The following CASK variants were observed in gnomAD, a reference collection of about 807,000 sequenced individuals.
The protein encoded by CASK is peripheral plasma membrane protein CASK.
A neutral mutation model predicts 82.9 loss-of-function variants in CASK; 4 were observed. That is an observed-to-expected ratio of 0.05 (90% CI 0.02 to 0.11). The LOEUF (loss-of-function observed/expected upper bound fraction) is 0.11, where lower values mean the gene tolerates loss of function less well. CASK is among the 10% of genes least tolerant of loss of function. The pLI, the probability that CASK is intolerant of heterozygous loss-of-function variation, is 1.00. For synonymous variants in CASK, 259 were observed against 253.5 expected, an observed-to-expected ratio of 1.02 and a Z score of -0.20; for missense variants, 358 against 720.9, an observed-to-expected ratio of 0.50 and a Z score of 5.76.
chrX:41,650,369 ATG>A (rs1475963387), intron 8 of CASK, among the ~76,000 whole-genome samples: 2 of 110,766 alleles, frequency 1.8e-5, no homozygotes, highest in African/African-American at 6.6e-5. Flanking sequence ...ACAATTTGGC[ATG>A]TTTTGCAGTG....
intron 5 of CASK, among the ~76,000 whole-genome samples, chrX:41,735,213 C>A (rs1202163650): frequency 2.7e-5 from 3 of 111,443 alleles, no homozygotes; most frequent in African/African-American, 9.8e-5. Context: ...CAATGCTCTT[C>A]TGTTTTCGTT....
At chrX:41,746,020 T>A (rs1013831065) in intron 3 of CASK, among the ~76,000 whole-genome samples, 3 of 111,891 alleles carry the variant, frequency 2.7e-5, no homozygotes, top group African/African-American at 6.5e-5. Context: ...AAATGGAAAA[T>A]TCAGGCTATA....
Position 41,578,376 on chromosome X carries a change from C to T in CASK, c.1467G>A (p.Arg489=). Residue 489 remains arginine, a synonymous_variant, in exon 15 of 27, where the codon CGG becomes CGA. Transcript: ENST00000378163. ...DMDMENVTRV[R]LVQFQKNTDE... ...CTGTGTTCTTTTGAAACTGTACCAG[C>T]CGAACTCTGGTCACATTCTCCATAT... The T allele has an allele frequency of 8.3e-7, 1 of 1,208,938 alleles. No homozygotes were observed. The highest frequency in any genetic ancestry group is 1.8e-5 in the South Asian group (1 of 56,867).
intron 3 of CASK, among the ~76,000 whole-genome samples, chrX:41,770,295 TCTAC>T (rs199881249): frequency 0.059 from 5,507 of 92,759 alleles, 159 homozygotes; most frequent in Non-Finnish European, 0.084. Context: ...TATCTATCTA[TCTAC>T]CTACCTACCT....
intron 13 of CASK, chrX:41,588,085 C>G (rs1251029006): frequency 8.9e-6 from 1 of 112,069 alleles, no homozygotes; most frequent in African/African-American, 3.2e-5. Context: ...CTGTGCTACT[C>G]AACTACTGCC....
chrX:41,897,501 T>G (rs1270837480), intron 1 of CASK, among the ~76,000 whole-genome samples: 2 of 111,589 alleles, frequency 1.8e-5, no homozygotes, highest in Non-Finnish European at 3.8e-5. Flanking sequence ...TGTCAGAAAT[T>G]TATTAAAAAG....
intron 17 of CASK, 77 bp downstream of exon 17, chrX:41,561,482 T>C (rs1209307153): frequency 1.5e-6 from 1 of 671,598 alleles, no homozygotes; most frequent in African/African-American, 2.2e-5. Context: ...AGAAGAATAC[T>C]CCTTATTTGT....
chrX:41,750,372 C>T (rs1225550201), intron 3 of CASK, among the ~76,000 whole-genome samples: 1 of 112,020 alleles, frequency 8.9e-6, no homozygotes, highest in African/African-American at 3.2e-5. Context: ...AATGATTCTA[C>T]AAACTGACAA....
chrX:41,822,515 G>A (rs111581104), intron 2 of CASK, among the ~76,000 whole-genome samples: 16,013 of 89,807 alleles, frequency 0.18, 1,384 homozygotes, highest in Middle Eastern at 0.4. Flanking sequence ...TGGAGATGGC[G>A]CCACTGCACT....
intron 8 of CASK, among the ~76,000 whole-genome samples, 167 bp from the exon 9 acceptor site, chrX:41,636,828 T>C (rs2066562513): frequency 8.9e-6 from 1 of 112,194 alleles, no homozygotes; most frequent in African/African-American, 3.2e-5. Context: ...ATGAGGGATA[T>C]TAAGGTTAAA....
intron 12 of CASK, among the ~76,000 whole-genome samples, chrX:41,598,287 C>T (rs905736086): frequency 3.6e-5 from 4 of 111,943 alleles, no homozygotes; most frequent in Non-Finnish European, 7.5e-5. Context: ...AGAAACATTG[C>T]AAAATTTAAA....
chrX:41,885,979 G>A (rs1366353023), intron 1 of CASK, among the ~76,000 whole-genome samples: 1 of 112,228 alleles, frequency 8.9e-6, no homozygotes, highest in African/African-American at 3.2e-5. Flanking sequence ...TCAAAGAAAA[G>A]GGGAGAAATC....
At chrX:41,599,766 C>T (rs890682772) in intron 12 of CASK, among the ~76,000 whole-genome samples, 1 of 111,583 alleles carries the variant, frequency 9.0e-6, no homozygotes, top group Non-Finnish European at 1.9e-5. Flanking sequence ...GTTCTCTATG[C>T]CTTTTTCAAG....
At chrX:41,754,878 G>A (rs1386088307) in intron 3 of CASK, among the ~76,000 whole-genome samples, 1 of 94,236 alleles carries the variant, frequency 1.1e-5, no homozygotes, top group Non-Finnish European at 2.1e-5. Context: ...TTTCTGACAA[G>A]TTTTTTTTTT....
intron 2 of CASK, among the ~76,000 whole-genome samples, chrX:41,796,751 A>G (rs958813956): frequency 1.8e-5 from 2 of 111,451 alleles, no homozygotes. Context: ...TCTACTTCCT[A>G]TATGCAGCTG....
chrX:41,790,345 G>T, intron 2 of CASK: 1 of 221,016 alleles, frequency 4.5e-6, no homozygotes, highest in Non-Finnish European at 7.7e-6. Flanking sequence ...GGGATTATAG[G>T]CATGAGCCAC....
At chrX:41,836,239 C>T (rs1404411334) in intron 2 of CASK, among the ~76,000 whole-genome samples, 1 of 111,525 alleles carries the variant, frequency 9.0e-6, no homozygotes, top group Middle Eastern at 4.2e-3. Context: ...AAGGGAAATC[C>T]CATTTAGGAA....
chrX:41,719,598 C>T (rs1476515379), intron 5 of CASK, among the ~76,000 whole-genome samples: 3 of 111,864 alleles, frequency 2.7e-5, no homozygotes, highest in Non-Finnish European at 5.6e-5. Flanking sequence ...AGAAAGGGTA[C>T]ACTCGCCAGC....
intron 2 of CASK, among the ~76,000 whole-genome samples, chrX:41,788,351 T>C (rs1318221704): frequency 1.8e-5 from 2 of 110,898 alleles, no homozygotes; most frequent in African/African-American, 6.6e-5. Context: ...TCGCTTGCCA[T>C]GTCTACATGG....
Sources: gnomAD v4.1 joint callset for allele counts (sites outside exome capture counted in the v4.1 genomes callset) on GRCh38, gnomAD v4.1.1 for gene constraint, MANE v1.5 for transcripts, NCBI Gene and HGNC (gene_info 2026-07-23, HGNC 2026-07-21) for gene names.